NFIC: variants seen among roughly 807,000 people sequenced by gnomAD.
NFIC encodes nuclear factor I C, also known as nuclear factor 1 C-type.
Under a neutral mutation model 54.4 loss-of-function variants are expected in NFIC, and 12 were observed. The ratio of observed to expected loss-of-function variants is 0.22; its 90% CI spans 0.14 to 0.36. NFIC has a LOEUF of 0.36. Among genes scored for constraint, NFIC ranks in the 10% least tolerant of loss-of-function variants. The pLI is 1.00. For missense variants in NFIC, 575 were observed against 718.2 expected (o/e 0.80, Z 2.28); for synonymous variants, 322 against 319.2 (o/e 1.01, Z -0.09).
At chr19:3,362,753 A>G (rs2145412624), upstream of NFIC, among the ~76,000 whole-genome samples, 1 of 152,034 alleles carries the variant, frequency 6.6e-6, no homozygotes, top group Middle Eastern at 3.4e-3. Context: ...GGACCCTTGC[A>G]AGGTTCCTGG....
intron 2 of NFIC, among the ~76,000 whole-genome samples, chr19:3,419,048 TGGC>T (rs1035158068): frequency 6.6e-6 from 1 of 150,522 alleles, no homozygotes; most frequent in Non-Finnish European, 1.5e-5. Context: ...GAAAGTAGGT[TGGC>T]GGGGTCAGGG....
chr19:3,445,392 G>A (rs1363562485), intron 6 of NFIC, among the ~76,000 whole-genome samples: 1 of 152,172 alleles, frequency 6.6e-6, no homozygotes, highest in Non-Finnish European at 1.5e-5. Context: ...GGCCTCTCTG[G>A]GTGGCTCAGC....
chr19:3,432,641 G>A (rs963239683), intron 3 of NFIC, among the ~76,000 whole-genome samples: 7 of 151,364 alleles, frequency 4.6e-5, no homozygotes, highest in Admixed American at 2.6e-4. Flanking sequence ...TGATGGAGCC[G>A]ATGTGAGCCC....
chr19:3,437,589 T>C (rs2082223457), intron 6 of NFIC, among the ~76,000 whole-genome samples: 1 of 137,836 alleles, frequency 7.3e-6, no homozygotes, highest in Non-Finnish European at 1.5e-5. Context: ...TTTTGAGAGA[T>C]CACGCCAGTG....
At chr19:3,385,758 G>A (rs1471327174) in intron 2 of NFIC, among the ~76,000 whole-genome samples, 3 of 151,698 alleles carry the variant, frequency 2.0e-5, no homozygotes, top group Non-Finnish European at 4.4e-5. Flanking sequence ...TTTTTAATAC[G>A]GACGGGGTTT....
At chr19:3,441,354 G>A (rs577887099) in intron 6 of NFIC, among the ~76,000 whole-genome samples, 2 of 152,252 alleles carry the variant, frequency 1.3e-5, no homozygotes, top group South Asian at 2.1e-4. Context: ...GTCCTAAGCC[G>A]GGTTATTTCC....
In NFIC at chr19:3,394,530, A is replaced by ACCCCC. The variant is rs1270123415; in HGVS notation, c.562+12290_562+12291insCCCCC. On this transcript the variant is annotated intron_variant, in intron 2 of 10. Transcript: ENST00000443272. ...ATGATCTTTTCCCCACCCACCCCCC[A>ACCCCC]CCCGCTTACACTAAGTCTGAAATTT... Among the ~76,000 whole-genome samples the ACCCCC allele has an allele frequency of 1.6e-4, 6 of 36,628 alleles. 1 individual carries two copies. Among genetic ancestry groups the ACCCCC allele is most frequent in the East Asian group, 2.2e-3 (2 of 896 alleles). The allele number at this position is 36,628 out of a possible 152,430, so 24.0% of individuals were successfully genotyped here. A position where few individuals can be genotyped will look rare whatever the true frequency, so the allele number is the denominator to read the frequency against.
intron 10 of NFIC, among the ~76,000 whole-genome samples, chr19:3,461,337 C>A (rs1260911553): frequency 6.6e-6 from 1 of 151,932 alleles, no homozygotes; most frequent in African/African-American, 2.4e-5. Context: ...GTGGGAGGAT[C>A]ACTTGAGCCC....
chr19:3,393,967 G>C (rs2081417001), intron 2 of NFIC, among the ~76,000 whole-genome samples: 1 of 150,662 alleles, frequency 6.6e-6, no homozygotes, highest in Admixed American at 6.6e-5. Flanking sequence ...CCTTGAGACA[G>C]AGTCTCGCTC....
intron 1 of NFIC, among the ~76,000 whole-genome samples, chr19:3,378,299 A>T (rs2081143024): frequency 1.3e-5 from 2 of 148,552 alleles, no homozygotes; most frequent in Admixed American, 1.3e-4. Flanking sequence ...GGGTTTCGCC[A>T]TGTTGCCCAG....
chr19:3,462,919 T>C lies in NFIC; in HGVS notation c.*150T>C. On this transcript the variant is annotated 3_prime_UTR_variant, in exon 11 of 11. Transcript: ENST00000443272. ...AGCCCGGCCAAAAAGACAAAACACA[T>C]AGACGCACACACTCAGGAGGAAAAG... 5.3e-6 allele frequency: 8 copies of C among 1,523,294 alleles called. No homozygotes were observed. The highest frequency in any genetic ancestry group is 7.0e-6 in the Non-Finnish European group (8 of 1,143,342). 94.4% of individuals were successfully genotyped at this position (1,523,294 alleles called of 1,614,324 possible). A position where few individuals can be genotyped will look rare whatever the true frequency, so the allele number is the denominator to read the frequency against.
chr19:3,464,202 C>A lies in NFIC; in HGVS notation c.*1433C>A. ...CCCGACGCGGGGCCCAGCTGCGGGA[C>A]GTGCATCACGGCTGGGCCCCCAGAG... On this transcript the variant is annotated 3_prime_UTR_variant, in exon 11 of 11. Coordinates refer to ENST00000443272, the MANE Select transcript of NFIC (RefSeq NM_001245002.2). 4 of 985,370 alleles carry A rather than the reference C, an allele frequency of 4.1e-6. No homozygotes were observed. Among genetic ancestry groups the A allele is most frequent in the Non-Finnish European group, 4.8e-6 (4 of 829,900 alleles). 61.0% of individuals were successfully genotyped at this position (985,370 alleles called of 1,614,324 possible).
At position 3,452,794 on chromosome 19, in the gene NFIC, C is replaced by G; in HGVS notation, c.1269+128C>G. 8.6e-7 allele frequency: 1 copy of G among 1,157,096 alleles called. No individual in the cohort carries two copies. 71.7% of individuals were successfully genotyped at this position (1,157,096 alleles called of 1,614,324 possible). A position where few individuals can be genotyped will look rare whatever the true frequency, so the allele number is the denominator to read the frequency against. The stretch of plus-strand genomic sequence containing the variant: ...TGAGGACTTGGCTCTGAAGTCCCCT[C>G]CTCTGTCGTGCTGGGAGGCAGCTGG... On this transcript the variant is annotated intron_variant, in intron 8 of 10. Coordinates refer to ENST00000443272, the MANE Select transcript of NFIC (RefSeq NM_001245002.2). The surrounding 1 kb of genome is among the most constrained non-coding windows in gnomAD (Gnocchi z 5.3).
chr19:3,396,446 G>A (rs939565630), intron 2 of NFIC, among the ~76,000 whole-genome samples: 2 of 148,584 alleles, frequency 1.3e-5, no homozygotes, highest in Non-Finnish European at 3.0e-5. Context: ...CACTCCAGCC[G>A]GGGCAACAGA....
At chr19:3,390,346 C>T (rs926911482) in intron 2 of NFIC, among the ~76,000 whole-genome samples, 1 of 152,120 alleles carries the variant, frequency 6.6e-6, no homozygotes, top group African/African-American at 2.4e-5. Flanking sequence ...CAGGAGTCCG[C>T]GGGGCATACG....
intron 6 of NFIC, among the ~76,000 whole-genome samples, chr19:3,446,849 T>C (rs1369942103): frequency 6.6e-6 from 1 of 151,568 alleles, no homozygotes; most frequent in African/African-American, 2.4e-5. Context: ...CTGGGCAACA[T>C]AGCAAGACCC....
chr19:3,441,565 G>A (rs2082294096), intron 6 of NFIC, among the ~76,000 whole-genome samples: 1 of 152,268 alleles, frequency 6.6e-6, no homozygotes, highest in Non-Finnish European at 1.5e-5. Context: ...GGACGCCTCA[G>A]AACAGGCCTG....
chr19:3,446,711 G>T (rs1350226351), intron 6 of NFIC, among the ~76,000 whole-genome samples: 2 of 152,210 alleles, frequency 1.3e-5, no homozygotes, highest in African/African-American at 4.8e-5. Context: ...TCTCAGGCAA[G>T]ATGTGATCCT....
At chr19:3,394,607 T>TATTG (rs374690506) in intron 2 of NFIC, among the ~76,000 whole-genome samples, 1 of 138,330 alleles carries the variant, frequency 7.2e-6, no homozygotes, top group African/African-American at 2.7e-5. Context: ...GGGGCTGCTG[T>TATTG]ATTGGGCAGG....
Sources: gnomAD v4.1 joint callset for allele counts (sites outside exome capture counted in the v4.1 genomes callset) on GRCh38, gnomAD v4.1.1 for gene constraint, Gnocchi (gnomAD v3.1) non-coding constraint, MANE v1.5 for transcripts, NCBI Gene and HGNC (gene_info 2026-07-23, HGNC 2026-07-21) for gene names.